Variants in ADAM10 observed in about 807,000 individuals in gnomAD.
ADAM10 encodes disintegrin and metalloproteinase domain-containing protein 10.
Under a neutral mutation model 90.1 loss-of-function variants are expected in ADAM10, and 17 were observed. The observed-to-expected ratio is 0.19, with a 90% CI of 0.13 to 0.28. The LOEUF is 0.28. Ranked by LOEUF, ADAM10 falls within the 10% of genes least tolerant of loss-of-function variation. The pLI is 1.00. For missense variants in ADAM10, 610 were observed against 914.3 expected, an observed-to-expected ratio of 0.67 and a Z score of 4.29; for synonymous variants, 310 against 298.6, an observed-to-expected ratio of 1.04 and a Z score of -0.40.
At chr15:58,718,864 C>T (rs7179540) in intron 1 of ADAM10, among the ~76,000 whole-genome samples, 68,947 of 151,964 alleles carry the variant, frequency 0.45, 16,590 homozygotes, top group Non-Finnish European at 0.55. Flanking sequence ...CCCTGACCCT[C>T]AGCTTCATCT....
intron 2 of ADAM10, among the ~76,000 whole-genome samples, chr15:58,690,256 A>T (rs12442956): frequency 0.28 from 43,116 of 151,946 alleles, 8,751 homozygotes; most frequent in African/African-American, 0.57. Flanking sequence ...ATAAAATGCA[A>T]CTACAAACTC....
intron 1 of ADAM10, among the ~76,000 whole-genome samples, chr15:58,741,221 C>A (rs374783661): frequency 1.3e-5 from 2 of 152,244 alleles, no homozygotes; most frequent in South Asian, 2.1e-4. Context: ...ATGCAAAGAT[C>A]GCATTATTTT....
chr15:58,717,522 A>C, intron 2 of ADAM10, 55 bp downstream of exon 2: 1 of 1,606,496 alleles, frequency 6.2e-7, no homozygotes, highest in South Asian at 1.1e-5. Context: ...TCTCCTCTTT[A>C]ACTTAGATTG....
intron 9 of ADAM10, chr15:58,629,448 A>G (rs1006532617): frequency 1.3e-5 from 2 of 152,258 alleles, no homozygotes; most frequent in Non-Finnish European, 2.9e-5. Flanking sequence ...GCTATTTGCC[A>G]TCCTCAGATA....
At chr15:58,719,200 T>C (rs1222428057) in intron 1 of ADAM10, among the ~76,000 whole-genome samples, 2 of 152,012 alleles carry the variant, frequency 1.3e-5, no homozygotes, top group Non-Finnish European at 2.9e-5. Flanking sequence ...GGTGGCTGCA[T>C]ATAAACCTAG....
intron 2 of ADAM10, among the ~76,000 whole-genome samples, chr15:58,694,444 C>T (rs1254577261): frequency 6.6e-6 from 1 of 151,984 alleles, no homozygotes; most frequent in Non-Finnish European, 1.5e-5. Context: ...GAACAACACT[C>T]CCTTTCAAAA....
chr15:58,708,424 G>A (rs347118), intron 2 of ADAM10, among the ~76,000 whole-genome samples: 5,275 of 152,260 alleles, frequency 0.035, 97 homozygotes, highest in Middle Eastern at 0.051. Context: ...CATTCTGGGA[G>A]GCTGAGGTAG....
intron 11 of ADAM10, among the ~76,000 whole-genome samples, chr15:58,615,406 T>C (rs1206662858): frequency 6.6e-6 from 1 of 151,754 alleles, no homozygotes; most frequent in Non-Finnish European, 1.5e-5. Context: ...CCTGGCTGAA[T>C]GGGCCTATTT....
At chr15:58,660,036 T>C (rs1218348041) in intron 5 of ADAM10, among the ~76,000 whole-genome samples, 1 of 152,198 alleles carries the variant, frequency 6.6e-6, no homozygotes, top group Non-Finnish European at 1.5e-5. Flanking sequence ...CCGTTCTCTC[T>C]TTATTTTCTT....
chr15:58,662,935 C>G (rs1245025729), intron 5 of ADAM10, among the ~76,000 whole-genome samples: 1 of 152,190 alleles, frequency 6.6e-6, no homozygotes, highest in Non-Finnish European at 1.5e-5. Flanking sequence ...AGATCTCCTT[C>G]TGTGTGTCAT....
intron 7 of ADAM10, among the ~76,000 whole-genome samples, chr15:58,643,183 A>T (rs1420228533): frequency 6.6e-6 from 1 of 152,108 alleles, no homozygotes; most frequent in Non-Finnish European, 1.5e-5. Flanking sequence ...TTTGTCAGTA[A>T]TTTAATATTT....
chr15:58,736,114 T>G (rs563277251), intron 1 of ADAM10, among the ~76,000 whole-genome samples: 1 of 152,300 alleles, frequency 6.6e-6, no homozygotes, highest in African/African-American at 2.4e-5. Context: ...CTCTAACATG[T>G]TCTTGTTAAG....
intron 2 of ADAM10, among the ~76,000 whole-genome samples, chr15:58,709,339 TATAAC>T (rs1176865263): frequency 6.6e-6 from 1 of 152,306 alleles, no homozygotes; most frequent in African/African-American, 2.4e-5. Flanking sequence ...TAGCATGAAA[TATAAC>T]ATAATTAAGA....
intron 1 of ADAM10, among the ~76,000 whole-genome samples, chr15:58,720,062 A>G (rs1595654176): frequency 6.6e-6 from 1 of 152,212 alleles, no homozygotes; most frequent in Admixed American, 6.5e-5. Context: ...GAATTCTGAC[A>G]CTTCCTAGCC....
intron 2 of ADAM10, among the ~76,000 whole-genome samples, chr15:58,697,107 T>C (rs1353283372): frequency 6.6e-6 from 1 of 152,136 alleles, no homozygotes; most frequent in East Asian, 1.9e-4. Flanking sequence ...AGGCCTAAGT[T>C]AGACTGTAAG....
At chr15:58,701,238 T>C (rs1406524803) in intron 2 of ADAM10, among the ~76,000 whole-genome samples, 1 of 151,244 alleles carries the variant, frequency 6.6e-6, no homozygotes, top group Non-Finnish European at 1.5e-5. Flanking sequence ...AGGAACTCAA[T>C]AGTTTAAAAA....
rs1287981012 is a variant in ADAM10 at position 58,619,900 on chromosome 15, T to C, written c.1511+1571A>G. On this transcript the variant is annotated intron_variant, in intron 11 of 15. Coordinates refer to ENST00000260408, the MANE Select transcript of ADAM10 (RefSeq NM_001110.4). The stretch of plus-strand genomic sequence containing the variant: ...GCCTGGGCGACAGTGCAAGACTCCA[T>C]CTCAAAAAAAAAAATTTAAAAAAAG... Among the ~76,000 whole-genome samples the C allele has an allele frequency of 1.4e-5, 2 of 147,938 alleles. 1 individual carries two copies. The highest frequency in any genetic ancestry group is 5.0e-5 in the African/African-American group (2 of 39,984).
At chr15:58,703,620 T>C (rs951499840) in intron 2 of ADAM10, among the ~76,000 whole-genome samples, 4 of 152,136 alleles carry the variant, frequency 2.6e-5, no homozygotes, top group Non-Finnish European at 5.9e-5. Context: ...ACTCAGACAT[T>C]ATGGTGAGTG....
intron 3 of ADAM10, among the ~76,000 whole-genome samples, 165 bp downstream of exon 3, chr15:58,682,031 G>C (rs1221851401): frequency 6.6e-6 from 1 of 151,942 alleles, no homozygotes; most frequent in Admixed American, 6.6e-5. Context: ...TGTAAAGATA[G>C]GTCCAAACAT....
Sources: allele counts gnomAD v4.1 joint callset (sites outside exome capture counted in the v4.1 genomes callset), GRCh38; gene constraint gnomAD v4.1.1; transcripts MANE v1.5; gene names NCBI Gene and HGNC (gene_info 2026-07-23, HGNC 2026-07-21).